The following PUDP variants were observed in gnomAD, a reference collection of about 807,000 sequenced individuals.
The protein encoded by PUDP is pseudouridine 5'-phosphatase.
In PUDP, 8 loss-of-function variants were observed where a neutral mutation model predicts 9.4. That is an observed-to-expected ratio of 0.85 (90% CI 0.50 to 1.53). PUDP has a LOEUF of 1.53. Ranked by LOEUF, PUDP falls within the 40% of genes most tolerant of loss-of-function variation. PUDP has a pLI of 0.00. For missense variants in PUDP, 188 were observed against 189.7 expected, an observed-to-expected ratio of 0.99 and a Z score of 0.05; for synonymous variants, 99 against 80.7, an observed-to-expected ratio of 1.23 and a Z score of -1.22.
At chrX:7,128,202 C>A (rs1932530779) in intron 1 of PUDP, among the ~76,000 whole-genome samples, 1 of 110,720 alleles carries the variant, frequency 9.0e-6, no homozygotes, top group South Asian at 3.9e-4. Context: ...CCACCACACC[C>A]AGCTGATTTT....
chrX:7,116,979 T>C (rs776383830), intron 1 of PUDP: 15 of 1,165,462 alleles, frequency 1.3e-5, no homozygotes, highest in Non-Finnish European at 1.5e-5. Context: ...TCCACCGTGA[T>C]TGTAAGCCTC....
At chrX:6,879,634 T>C (rs1394124927) in intron 3 of PUDP, among the ~76,000 whole-genome samples, 1 of 111,871 alleles carries the variant, frequency 8.9e-6, no homozygotes, top group South Asian at 3.7e-4. Flanking sequence ...CTTGTCTGCA[T>C]CCAGTGAGAC....
chrX:7,083,196 C>G (rs944431928), intron 2 of PUDP, among the ~76,000 whole-genome samples: 54 of 111,973 alleles, frequency 4.8e-4, no homozygotes, highest in Non-Finnish European at 3.2e-4. Flanking sequence ...TTTTCAGTAT[C>G]TTGTGGCAGC....
At chrX:6,966,614 T>C (rs1469119299) in intron 3 of PUDP, among the ~76,000 whole-genome samples, 2 of 107,040 alleles carry the variant, frequency 1.9e-5, no homozygotes, top group Non-Finnish European at 1.9e-5. Context: ...GTGGTGCAAT[T>C]GTAGCTTGCT....
chrX:7,033,979 A>C (rs1036173194), intron 1 of PUDP, among the ~76,000 whole-genome samples: 2 of 112,433 alleles, frequency 1.8e-5, no homozygotes, highest in Non-Finnish European at 3.8e-5. Context: ...CTGAAGCAGC[A>C]GTCATGTCTA....
At chrX:6,784,013 C>T (rs1925606854) in intron 3 of PUDP, among the ~76,000 whole-genome samples, 1 of 111,521 alleles carries the variant, frequency 9.0e-6, no homozygotes, top group Admixed American at 9.5e-5. Flanking sequence ...TGCCCATCTA[C>T]ATAAGTGAGG....
chrX:6,706,106 C>G (rs7055866), intron 2 of PUDP, among the ~76,000 whole-genome samples: 32,466 of 111,272 alleles, frequency 0.29, 3,736 homozygotes, highest in Non-Finnish European at 0.36. Flanking sequence ...GATTCCACTT[C>G]CATGTGGTAC....
chrX:7,080,755 A>C (rs755348627), intron 2 of PUDP, among the ~76,000 whole-genome samples: 1 of 110,876 alleles, frequency 9.0e-6, no homozygotes, highest in Non-Finnish European at 1.9e-5. Context: ...AAAAGGCTCT[A>C]ATTTTTTTAA....
chrX:7,003,627 T>C (rs187962093), intron 1 of PUDP, among the ~76,000 whole-genome samples: 26 of 112,223 alleles, frequency 2.3e-4, no homozygotes, highest in African/African-American at 8.4e-4. Flanking sequence ...TTTTAGACTT[T>C]TGAAAAAGAA....
intron 3 of PUDP, among the ~76,000 whole-genome samples, chrX:6,880,210 A>G (rs1927326660): frequency 9.1e-6 from 1 of 110,202 alleles, no homozygotes; most frequent in East Asian, 2.9e-4. Flanking sequence ...TCACCCGAGC[A>G]GTGTACACTG....
chrX:6,925,061 C>T (rs57099068), intron 3 of PUDP, among the ~76,000 whole-genome samples: 4,419 of 111,886 alleles, frequency 0.039, 124 homozygotes, highest in African/African-American at 0.099. Context: ...ACGCCTGTAA[C>T]CCCAGCACTT....
chrX:7,120,266 T>C (rs1276517186), intron 1 of PUDP, among the ~76,000 whole-genome samples: 3 of 110,857 alleles, frequency 2.7e-5, no homozygotes, highest in African/African-American at 6.6e-5. Context: ...GGTGGGGAGG[T>C]GACCCTGGAT....
At chrX:6,785,127 T>C (rs936035785) in intron 3 of PUDP, among the ~76,000 whole-genome samples, 1 of 112,563 alleles carries the variant, frequency 8.9e-6, no homozygotes, top group African/African-American at 3.2e-5. Context: ...CGTGATCACA[T>C]TGACTGTCAT....
chrX:6,787,061 G>T (rs1009979725), intron 3 of PUDP, among the ~76,000 whole-genome samples: 2 of 107,329 alleles, frequency 1.9e-5, no homozygotes, highest in Non-Finnish European at 1.9e-5. Context: ...TACATTGGAA[G>T]ATTTGAACAA....
intron 2 of PUDP, among the ~76,000 whole-genome samples, chrX:6,977,945 T>G (rs749351372): frequency 1.9e-4 from 21 of 112,358 alleles, no homozygotes; most frequent in Non-Finnish European, 3.4e-4. Flanking sequence ...CTTGGCTACC[T>G]CCTGTCCTTG....
intron 3 of PUDP, among the ~76,000 whole-genome samples, chrX:6,819,680 G>A (rs977909305): frequency 6.2e-5 from 7 of 112,044 alleles, no homozygotes; most frequent in Admixed American, 9.5e-5. Context: ...ATTCATAATC[G>A]TAGGGATCTG....
chrX:6,775,788 C>A (rs1925448194), intron 3 of PUDP, among the ~76,000 whole-genome samples: 1 of 111,141 alleles, frequency 9.0e-6, no homozygotes, highest in South Asian at 3.8e-4. Flanking sequence ...ACCTCTTCCA[C>A]CATGTGCCTT....
intron 3 of PUDP, among the ~76,000 whole-genome samples, chrX:6,828,061 T>C (rs1344926840): frequency 1.8e-5 from 2 of 111,969 alleles, no homozygotes; most frequent in Non-Finnish European, 3.8e-5. Flanking sequence ...AATAGGCATA[T>C]ACACATGCAT....
intron 2 of PUDP, among the ~76,000 whole-genome samples, chrX:7,093,458 C>A (rs754173307): frequency 8.9e-6 from 1 of 112,040 alleles, no homozygotes; most frequent in South Asian, 3.8e-4. Flanking sequence ...CTACTACTGG[C>A]GCCAGGAGGC....
Sources: allele counts gnomAD v4.1 joint callset (sites outside exome capture counted in the v4.1 genomes callset), GRCh38; gene constraint gnomAD v4.1.1; transcripts MANE v1.5; gene names NCBI Gene and HGNC (gene_info 2026-07-23, HGNC 2026-07-21).